Variants in CFAP54 observed in about 807,000 individuals in gnomAD.
CFAP54 encodes the protein cilia- and flagella-associated protein 54.
Under a neutral mutation model 370.4 loss-of-function variants are expected in CFAP54, and 290 were observed. The observed-to-expected ratio is 0.78, with a 90% confidence interval of 0.71 to 0.86. The LOEUF (loss-of-function observed/expected upper bound fraction) is 0.86. Ranked by LOEUF, CFAP54 falls within the 40% of genes least tolerant of loss-of-function variation. The pLI is 0.00. For synonymous variants in CFAP54, 1,206 were observed against 1,236.5 expected, an observed-to-expected ratio of 0.98 and a Z score of 0.52; for missense variants, 3,399 against 3,528.7, an observed-to-expected ratio of 0.96 and a Z score of 0.93.
At chr12:96,805,666 T>C (rs1461346467) in intron 63 of CFAP54, among the ~76,000 whole-genome samples, 13 of 151,876 alleles carry the variant, frequency 8.6e-5, no homozygotes, top group Non-Finnish European at 2.9e-5. Flanking sequence ...ACAATCTTTA[T>C]GGAAAAAAGT....
chr12:96,636,827 G>A lies in CFAP54; in HGVS notation c.4316+6176G>A, dbSNP rs189123028. Among the ~76,000 whole-genome samples, 1,025 of 152,156 alleles carry A rather than the reference G, an allele frequency of 6.7e-3. 42 individuals are homozygous for A. The highest frequency in any genetic ancestry group is 1.5e-3 in the Non-Finnish European group (105 of 68,008). ...AAATTAGCTGGGTGTGGCGGCACACGCCTGTAATCCCAGCTACTCAGGAGT... is the reference window on the plus strand; with the variant it reads ...AAATTAGCTGGGTGTGGCGGCACACACCTGTAATCCCAGCTACTCAGGAGT... On this transcript the variant is annotated intron_variant, in intron 32 of 67. Transcript: ENST00000524981.
intron 50 of CFAP54, among the ~76,000 whole-genome samples, chr12:96,728,670 C>G (rs917826010): frequency 1.3e-5 from 2 of 152,194 alleles, no homozygotes; most frequent in Non-Finnish European, 2.9e-5. Flanking sequence ...GCCTTCTTCT[C>G]TCAACTCGTC....
At chr12:96,570,687 C>T (rs1955908243) in intron 19 of CFAP54, among the ~76,000 whole-genome samples, 1 of 152,116 alleles carries the variant, frequency 6.6e-6, no homozygotes, top group African/African-American at 2.4e-5. Context: ...AGTAATGATG[C>T]ATATAAAATG....
At chr12:96,760,259 A>G (rs981674904) in intron 58 of CFAP54, among the ~76,000 whole-genome samples, 1 of 152,188 alleles carries the variant, frequency 6.6e-6, no homozygotes, top group Non-Finnish European at 1.5e-5. Context: ...AGAGATCAGC[A>G]TGCATACATT....
In CFAP54 at chr12:96,493,931, A is replaced by G. The variant is rs201591737; in HGVS notation, c.317+4005A>G. Among the ~76,000 whole-genome samples the G allele has an allele frequency of 1.2e-4, 18 of 152,356 alleles. No homozygotes were observed. In the East Asian group the frequency reaches 3.5e-3, roughly 29 times the overall value. ...TATGGAGTGGAAGATAGGAAGTTGC[A>G]ATTTTCAATAAGGTGGTCAGAAGTA... On this transcript the variant is annotated intron_variant, in intron 1 of 67. Transcript: ENST00000524981.
chr12:96,524,046 G>A (rs978609470), intron 8 of CFAP54, among the ~76,000 whole-genome samples: 7 of 151,952 alleles, frequency 4.6e-5, no homozygotes, highest in African/African-American at 1.4e-4. Context: ...CCTGTTTTCT[G>A]TGTATGAAAT....
intron 14 of CFAP54, among the ~76,000 whole-genome samples, chr12:96,547,599 A>G (rs920875779): frequency 2.0e-5 from 3 of 152,206 alleles, no homozygotes; most frequent in African/African-American, 7.2e-5. Flanking sequence ...TACAGAAGAA[A>G]ATATTTAATT....
intron 5 of CFAP54, among the ~76,000 whole-genome samples, chr12:96,514,452 C>T (rs11108560): frequency 0.1 from 15,261 of 152,234 alleles, 1,253 homozygotes; most frequent in East Asian, 0.45. Flanking sequence ...CTCTCCCAGG[C>T]CTAATGTAAA....
intron 55 of CFAP54, among the ~76,000 whole-genome samples, chr12:96,746,706 C>G (rs1325685268): frequency 1.3e-5 from 2 of 152,220 alleles, no homozygotes; most frequent in Non-Finnish European, 2.9e-5. Flanking sequence ...ACCCAACCCT[C>G]TGGTCACACT....
At chr12:96,491,606 A>G (rs996319436) in intron 1 of CFAP54, among the ~76,000 whole-genome samples, 3 of 152,140 alleles carry the variant, frequency 2.0e-5, no homozygotes, top group Non-Finnish European at 2.9e-5. Context: ...GGGCCAGTGG[A>G]AAACCATTAA....
intron 34 of CFAP54, 86 bp from the exon 35 acceptor site, chr12:96,649,805 A>G: frequency 1.3e-6 from 1 of 768,004 alleles, no homozygotes; most frequent in South Asian, 2.1e-5. Context: ...TATCTGAATT[A>G]CTCACTTGAT....
At chr12:96,527,645 T>C in intron 9 of CFAP54, among the ~76,000 whole-genome samples, 1 of 151,968 alleles carries the variant, frequency 6.6e-6, no homozygotes, top group East Asian at 1.9e-4. Flanking sequence ...TGGCTCACAT[T>C]GCAGCATCAA....
chr12:96,494,971 C>G (rs183260338), intron 1 of CFAP54, among the ~76,000 whole-genome samples: 3 of 152,230 alleles, frequency 2.0e-5, no homozygotes, highest in Middle Eastern at 3.4e-3. Context: ...GTGATCCGAC[C>G]GCTTTGGCCT....
intron 51 of CFAP54, 150 bp from the exon 52 acceptor site, chr12:96,742,289 T>C (rs941286330): frequency 5.4e-6 from 3 of 556,942 alleles, no homozygotes; most frequent in African/African-American, 2.0e-5. Context: ...TTTTATATTT[T>C]ATAGAATGTG....
rs1469718716 is a variant in CFAP54 at position 96,594,464 on chromosome 12, C to T, written c.3516+18C>T. On this transcript the variant is annotated intron_variant, in intron 25 of 67. Coordinates refer to ENST00000524981, the MANE Select transcript of CFAP54 (RefSeq NM_001306084.2). ...TTGTACAGGTAAGGGTATTCCTCTC[C>T]CCAAGAGAAGGGAATCTTTATAAAG... The T allele has an allele frequency of 2.1e-6, 3 of 1,442,354 alleles. No homozygotes were observed. In the African/African-American group the frequency reaches 4.2e-5, roughly 20 times the overall value. 89.3% of individuals were successfully genotyped at this position (1,442,354 alleles called of 1,614,324 possible). A position where few individuals can be genotyped will look rare whatever the true frequency, so the allele number is the denominator to read the frequency against.
intron 55 of CFAP54, among the ~76,000 whole-genome samples, chr12:96,752,948 G>A (rs932425924): frequency 5.9e-5 from 9 of 152,156 alleles, no homozygotes; most frequent in East Asian, 5.8e-4. Context: ...TTTGTCCTCT[G>A]TCAAATAAGC....
At chr12:96,820,995 T>C (rs1158634176) in intron 65 of CFAP54, among the ~76,000 whole-genome samples, 1 of 152,206 alleles carries the variant, frequency 6.6e-6, no homozygotes, top group East Asian at 1.9e-4. Context: ...GCTTAGATTG[T>C]CTGAGGCAGG....
chr12:96,795,841 T>C (rs1301965787), intron 63 of CFAP54, among the ~76,000 whole-genome samples: 1 of 152,156 alleles, frequency 6.6e-6, no homozygotes, highest in Non-Finnish European at 1.5e-5. Context: ...TGCTACAAAG[T>C]TCAGCTGGAA....
chr12:96,601,812 T>G (rs933636455), intron 26 of CFAP54, among the ~76,000 whole-genome samples: 13 of 152,246 alleles, frequency 8.5e-5, no homozygotes, highest in Admixed American at 1.3e-4. Flanking sequence ...ATCCCCTTTA[T>G]CATTTTTTAT....
Sources: gnomAD v4.1 joint callset for allele counts (sites outside exome capture counted in the v4.1 genomes callset) on GRCh38, gnomAD v4.1.1 for gene constraint, MANE v1.5 for transcripts, NCBI Gene and HGNC (gene_info 2026-07-23, HGNC 2026-07-21) for gene names.